The following RBFOX1 variants were observed in gnomAD, a reference collection of about 807,000 sequenced individuals.
RBFOX1 encodes the protein RNA binding protein fox-1 homolog 1.
In RBFOX1, 8 loss-of-function variants were observed where a neutral mutation model predicts 57.7. The ratio of observed to expected loss-of-function variants is 0.14; its 90% CI spans 0.08 to 0.25. The LOEUF is 0.25. RBFOX1 is among the 10% of genes least tolerant of loss of function. RBFOX1 has a pLI of 1.00. For synonymous variants in RBFOX1, 326 were observed against 222.4 expected (o/e 1.47, Z -4.15); for missense variants, 611 against 548.5 (o/e 1.11, Z -1.14).
intron 3 of RBFOX1, among the ~76,000 whole-genome samples, chr16:6,998,149 T>C (rs181413475): frequency 4.7e-4 from 71 of 152,308 alleles, no homozygotes; most frequent in African/African-American, 1.6e-3. Context: ...ATTTATTTAC[T>C]TATTGAGTGT....
chr16:7,460,556 G>T (rs950352936), intron 4 of RBFOX1, among the ~76,000 whole-genome samples: 1 of 147,030 alleles, frequency 6.8e-6, no homozygotes, highest in African/African-American at 2.6e-5. Flanking sequence ...CACACAGTGG[G>T]GTCTACCAGA....
chr16:6,911,202 CAAAAAA>C (rs34017800), intron 3 of RBFOX1, among the ~76,000 whole-genome samples: 2 of 138,764 alleles, frequency 1.4e-5, no homozygotes, highest in Non-Finnish European at 3.1e-5. Flanking sequence ...AATTGTGTCT[CAAAAAA>C]AAAAAAAAAA....
intron 3 of RBFOX1, among the ~76,000 whole-genome samples, chr16:6,790,118 C>T (rs1188614224): frequency 6.7e-6 from 1 of 148,594 alleles, no homozygotes; most frequent in Non-Finnish European, 1.5e-5. Context: ...TGTGAATTTT[C>T]TTCTGGTTCT....
At chr16:7,129,064 C>A (rs763961945) in intron 4 of RBFOX1, among the ~76,000 whole-genome samples, 1 of 151,962 alleles carries the variant, frequency 6.6e-6, no homozygotes, top group African/African-American at 2.4e-5. Context: ...CGTGATCCGC[C>A]CACCTCAGCC....
chr16:7,209,844 G>A (rs531754430), intron 4 of RBFOX1, among the ~76,000 whole-genome samples: 4 of 152,246 alleles, frequency 2.6e-5, no homozygotes, highest in Non-Finnish European at 5.9e-5. Context: ...AGTCTCTCCA[G>A]GGAAGCTGAA....
At chr16:5,673,523 A>C (rs991487527) in intron 3 of RBFOX1, among the ~76,000 whole-genome samples, 1 of 152,182 alleles carries the variant, frequency 6.6e-6, no homozygotes, top group East Asian at 1.9e-4. Context: ...CTCGCTTGGC[A>C]CCTAAAGGTT....
At position 7,701,688 on chromosome 16, in the gene RBFOX1, G is replaced by A. The variant is rs183660238; in HGVS notation, c.996-7368G>A. Among the ~76,000 whole-genome samples the A allele has an allele frequency of 2.0e-4, 30 of 152,216 alleles. 1 individual carries two copies. The highest frequency in any genetic ancestry group is 1.0e-3 in the Admixed American group (16 of 15,294). ...ATAAGTGAGCTTGGTCATCCCTATG[G>A]TCAATAAATGTATAAGTCATTGCTC... is the stretch of plus-strand genomic sequence containing the variant. On this transcript the variant is annotated intron_variant, in intron 14 of 15. Transcript: ENST00000550418.
At chr16:7,568,948 C>T (rs1672140068) in intron 5 of RBFOX1, among the ~76,000 whole-genome samples, 1 of 150,754 alleles carries the variant, frequency 6.6e-6, no homozygotes, top group Non-Finnish European at 1.5e-5. Flanking sequence ...CAGTAGGTCT[C>T]AGCCTCATTT....
intron 4 of RBFOX1, among the ~76,000 whole-genome samples, chr16:7,486,507 C>G (rs2065438300): frequency 6.6e-6 from 1 of 152,076 alleles, no homozygotes; most frequent in African/African-American, 2.4e-5. Context: ...CTTAACTTCT[C>G]TCGGTTTTAT....
At chr16:7,022,669 T>C (rs979857131) in intron 3 of RBFOX1, among the ~76,000 whole-genome samples, 4 of 152,000 alleles carry the variant, frequency 2.6e-5, no homozygotes, top group African/African-American at 9.7e-5. Context: ...AGAGCTGACA[T>C]GTAGCAGATG....
At chr16:6,824,883 T>C (rs930356473) in intron 3 of RBFOX1, among the ~76,000 whole-genome samples, 3 of 151,356 alleles carry the variant, frequency 2.0e-5, no homozygotes, top group African/African-American at 7.3e-5. Context: ...TAATTGAAAG[T>C]GGTATTGTTG....
At chr16:6,004,580 AGC>A (rs2060660542) in intron 4 of RBFOX1, among the ~76,000 whole-genome samples, 1 of 152,188 alleles carries the variant, frequency 6.6e-6, no homozygotes, top group African/African-American at 2.4e-5. Context: ...AGATTTCTGC[AGC>A]TTCTTATATG....
chr16:7,694,431 ATC>A (rs1294690768), intron 14 of RBFOX1, among the ~76,000 whole-genome samples: 1 of 152,200 alleles, frequency 6.6e-6, no homozygotes, highest in Admixed American at 6.5e-5. Flanking sequence ...GCACCCAACT[ATC>A]TCTGTTCTAA....
At chr16:6,418,277 G>A (rs1385723745) in intron 2 of RBFOX1, among the ~76,000 whole-genome samples, 1 of 152,122 alleles carries the variant, frequency 6.6e-6, no homozygotes, top group African/African-American at 2.4e-5. Context: ...AAATCTAGGA[G>A]GTGTGTCCTT....
chr16:5,631,853 C>G (rs1438759855), intron 3 of RBFOX1, among the ~76,000 whole-genome samples: 2 of 152,170 alleles, frequency 1.3e-5, no homozygotes, highest in Admixed American at 6.6e-5. Flanking sequence ...CCAAAGGCAG[C>G]TCCCATTGTA....
chr16:5,539,118 G>A (rs916004318), intron 2 of RBFOX1, among the ~76,000 whole-genome samples: 6 of 152,276 alleles, frequency 3.9e-5, no homozygotes, highest in Middle Eastern at 3.4e-3. Flanking sequence ...CCGAGGGCAC[G>A]TAATTCTTAG....
At chr16:7,497,514 CT>C (rs2069078655) in intron 4 of RBFOX1, among the ~76,000 whole-genome samples, 2 of 152,274 alleles carry the variant, frequency 1.3e-5, no homozygotes, top group Admixed American at 1.3e-4. Flanking sequence ...TGGTATCTCT[CT>C]TTATCCAGAT....
Position 7,379,183 on chromosome 16 carries a change from G to A in RBFOX1, c.28-138964G>A, listed in dbSNP as rs74010699. On this transcript the variant is annotated intron_variant, in intron 4 of 15. Coordinates refer to ENST00000550418, the MANE Select transcript of RBFOX1 (RefSeq NM_018723.4). ...AAACTCTCTTTCCTCTCAAGGTTAA[G>A]GGGAGTGTTTGGAAGAGAAAAAAAA... 5.6e-3 allele frequency among the ~76,000 whole-genome samples: 852 copies of A among 152,272 alleles called. 8 individuals are homozygous for A. The highest frequency in any genetic ancestry group is 0.019 in the African/African-American group (789 of 41,554).
intron 3 of RBFOX1, among the ~76,000 whole-genome samples, chr16:6,801,217 A>AAAAAG (rs1555483273): frequency 6.9e-6 from 1 of 145,294 alleles, no homozygotes; most frequent in African/African-American, 2.6e-5. Flanking sequence ...AAAAAAAAAA[A>AAAAAG]GTAACGTTAC....
Sources: gnomAD v4.1 joint callset for allele counts (sites outside exome capture counted in the v4.1 genomes callset) on GRCh38, gnomAD v4.1.1 for gene constraint, MANE v1.5 for transcripts, NCBI Gene and HGNC (gene_info 2026-07-23, HGNC 2026-07-21) for gene names.